P2RY8: variants seen among roughly 807,000 people sequenced by gnomAD.
The protein encoded by P2RY8 is S-geranylgeranyl-glutathione receptor P2RY8.
Under a neutral mutation model 10.0 loss-of-function variants are expected in P2RY8, and 6 were observed. That is an observed-to-expected ratio of 0.60 (90% CI 0.33 to 1.19). The LOEUF is 1.19. Ranked by LOEUF, P2RY8 falls within the 50% of genes most tolerant of loss-of-function variation. P2RY8 has a pLI of 0.04. For synonymous variants in P2RY8, 276 were observed against 252.5 expected (o/e 1.09, Z -0.88); for missense variants, 456 against 542.0 (o/e 0.84, Z 1.58).
intron 1 of P2RY8, among the ~76,000 whole-genome samples, chrX:1,521,806 C>T (rs150337757): frequency 3.3e-5 from 5 of 152,052 alleles, no homozygotes; most frequent in African/African-American, 4.8e-5. Context: ...TTCCGGTGAG[C>T]GTGACGGACA....
At chrX:1,517,338 T>C (rs1187656067) in intron 1 of P2RY8, among the ~76,000 whole-genome samples, 1 of 152,106 alleles carries the variant, frequency 6.6e-6, no homozygotes, top group Non-Finnish European at 1.5e-5. Flanking sequence ...ACCAGCCCTG[T>C]CCACACCTGA....
chrX:1,521,944 CTTTTTTTTTTT>C (rs751056296), intron 1 of P2RY8, among the ~76,000 whole-genome samples: 23 of 39,020 alleles, frequency 5.9e-4, no homozygotes, highest in Admixed American at 3.3e-3. Context: ...CTCTCGCTCT[CTTTTTTTTTTT>C]TTTTTTTTTT....
chrX:1,481,404 T>G (rs1314946084), intron 1 of P2RY8, among the ~76,000 whole-genome samples: 1 of 152,162 alleles, frequency 6.6e-6, no homozygotes, highest in East Asian at 1.9e-4. Flanking sequence ...CCTCAGGTGA[T>G]CCACCTGCCT....
chrX:1,521,966 T>TTTTG (rs2092395731), intron 1 of P2RY8, among the ~76,000 whole-genome samples: 1 of 138,604 alleles, frequency 7.2e-6, no homozygotes, highest in Non-Finnish European at 1.6e-5. Context: ...TTTTTTTTTT[T>TTTTG]TTTGAGATGG....
intron 1 of P2RY8, among the ~76,000 whole-genome samples, chrX:1,467,295 G>A (rs1228509130): frequency 6.6e-6 from 1 of 152,058 alleles, no homozygotes; most frequent in Non-Finnish European, 1.5e-5. Flanking sequence ...TCCTCCAGAG[G>A]AGACCTGCGA....
At chrX:1,467,255 G>A (rs371505772) in intron 1 of P2RY8, among the ~76,000 whole-genome samples, 6 of 152,094 alleles carry the variant, frequency 3.9e-5, no homozygotes, top group South Asian at 2.1e-4. Flanking sequence ...TAACACCCGC[G>A]TCAACCCACG....
rs1400712590 is a variant in P2RY8 at position 1,501,892 on chromosome X, G to A, written c.-25+35029C>T. ...ACAGGCATGAGCCACCACGCCCGGC[G>A]AGTTTTCATTTTTATTGATTATTAT... On this transcript the variant is annotated intron_variant, in intron 1 of 1. Coordinates refer to ENST00000381297, the MANE Select transcript of P2RY8 (RefSeq NM_178129.5). 4.8e-5 allele frequency among the ~76,000 whole-genome samples: 7 copies of A among 145,364 alleles called. No homozygotes were observed. The South Asian group carries it at 1.3e-3, about 27-fold the overall frequency.
At chrX:1,479,884 G>T (rs1379939674) in intron 1 of P2RY8, among the ~76,000 whole-genome samples, 2 of 152,142 alleles carry the variant, frequency 1.3e-5, no homozygotes, top group Non-Finnish European at 1.5e-5. Flanking sequence ...CCATAAAATT[G>T]ATCACCTAGA....
chrX:1,499,534 C>T (rs2092154283), intron 1 of P2RY8, among the ~76,000 whole-genome samples: 1 of 152,100 alleles, frequency 6.6e-6, no homozygotes. Context: ...CAAACTATCA[C>T]CAGATCGCCT....
intron 1 of P2RY8, among the ~76,000 whole-genome samples, chrX:1,515,056 C>G (rs1436968056): frequency 5.3e-5 from 8 of 149,778 alleles, no homozygotes; most frequent in Non-Finnish European, 8.9e-5. Context: ...TTACAGGCAC[C>G]CACCACCACA....
chrX:1,486,002 T>G (rs1376424689), intron 1 of P2RY8, among the ~76,000 whole-genome samples: 2 of 152,160 alleles, frequency 1.3e-5, no homozygotes, highest in African/African-American at 4.8e-5. Flanking sequence ...GTGGATCACC[T>G]GAGGCCAGGA....
chrX:1,471,599 G>A (rs1212471533), intron 1 of P2RY8, among the ~76,000 whole-genome samples: 11 of 151,884 alleles, frequency 7.2e-5, no homozygotes, highest in Non-Finnish European at 7.4e-5. Flanking sequence ...GAGCCACCGC[G>A]CCTGGCGTGT....
intron 1 of P2RY8, among the ~76,000 whole-genome samples, chrX:1,477,635 G>T (rs1485312806): frequency 6.6e-6 from 1 of 152,164 alleles, no homozygotes; most frequent in African/African-American, 2.4e-5. Flanking sequence ...TAATTGGGAA[G>T]ATGCGTCTGG....
At chrX:1,521,497 T>C (rs757810907) in intron 1 of P2RY8, among the ~76,000 whole-genome samples, 2 of 152,186 alleles carry the variant, frequency 1.3e-5, no homozygotes, top group East Asian at 3.9e-4. Flanking sequence ...CCTAAGATCA[T>C]TGAGTACCCA....
chrX:1,497,236 AG>A (rs767379807), intron 1 of P2RY8, among the ~76,000 whole-genome samples: 54,905 of 139,292 alleles, frequency 0.39, 12,236 homozygotes, highest in Non-Finnish European at 0.5. Flanking sequence ...AAAAAAAAAA[AG>A]AAAAGAAAAA....
chrX:1,492,522 G>A (rs1460538197), intron 1 of P2RY8, among the ~76,000 whole-genome samples: 6 of 152,248 alleles, frequency 3.9e-5, no homozygotes, highest in Non-Finnish European at 5.9e-5. Flanking sequence ...GCAGAAAAAG[G>A]TGGGGCTGAA....
intron 1 of P2RY8, among the ~76,000 whole-genome samples, chrX:1,531,335 T>C (rs1270001234): frequency 1.4e-4 from 22 of 152,128 alleles, no homozygotes; most frequent in African/African-American, 4.3e-4. Context: ...AGCCTGTGCC[T>C]TTTGTGTCTC....
chrX:1,513,723 TAC>T (rs2092317453), intron 1 of P2RY8, among the ~76,000 whole-genome samples: 1 of 147,536 alleles, frequency 6.8e-6, no homozygotes, highest in African/African-American at 2.5e-5. Context: ...TTCAATCCAC[TAC>T]AATTGTATCC....
At chrX:1,475,559 A>C (rs1409058065) in intron 1 of P2RY8, among the ~76,000 whole-genome samples, 1 of 152,140 alleles carries the variant, frequency 6.6e-6, no homozygotes, top group African/African-American at 2.4e-5. Flanking sequence ...CAATACACCG[A>C]GAAAAGAGAG....
Sources: gnomAD v4.1 joint callset for allele counts (sites outside exome capture counted in the v4.1 genomes callset) on GRCh38, gnomAD v4.1.1 for gene constraint, MANE v1.5 for transcripts, NCBI Gene and HGNC (gene_info 2026-07-23, HGNC 2026-07-21) for gene names.